LTBP2: variants seen among roughly 807,000 people sequenced by gnomAD.
LTBP2 encodes latent transforming growth factor beta binding protein 2.
Under a neutral mutation model 210.6 loss-of-function variants are expected in LTBP2, and 103 were observed. That is an observed-to-expected ratio of 0.49 (90% CI 0.42 to 0.58). LTBP2 has a LOEUF of 0.58. Among genes scored for constraint, LTBP2 ranks in the 20% least tolerant of loss-of-function variants. LTBP2 has a pLI of 0.00. For missense variants in LTBP2, 2,313 were observed against 2,494.5 expected (o/e 0.93, Z 1.55); for synonymous variants, 1,007 against 1,015.0 (o/e 0.99, Z 0.15).
In LTBP2 at chr14:74,532,457, G is replaced by C. The variant is rs1340849047; in HGVS notation, c.1956C>G (p.Leu652=). ...GSYLCTCRPG[L]MLDPSRSRCV... ...AGCGGCTCCGCGATGGATCCAGCAT[G>C]AGGCCAGGTCTGCATGTGCACAGGT... The change falls in exon 10 of 36, where the codon CTC becomes CTG. Residue 652 remains leucine, a synonymous_variant. Coordinates refer to ENST00000261978, the MANE Select transcript of LTBP2 (RefSeq NM_000428.3). The C allele has an allele frequency of 1.2e-6, 2 of 1,614,186 alleles. No homozygotes were observed. Among genetic ancestry groups the C allele is most frequent in the South Asian group, 2.2e-5 (2 of 91,088 alleles).
chr14:74,550,454 G>A, intron 7 of LTBP2, among the ~76,000 whole-genome samples: 1 of 152,170 alleles, frequency 6.6e-6, no homozygotes, highest in South Asian at 2.1e-4. Flanking sequence ...AGGGTTTCTG[G>A]AAATACCTTA....
intron 3 of LTBP2, among the ~76,000 whole-genome samples, chr14:74,569,778 A>T (rs772756232): frequency 2.0e-5 from 3 of 152,094 alleles, no homozygotes; most frequent in Non-Finnish European, 4.4e-5. Flanking sequence ...CCCTAACAAG[A>T]ACCTAAGACA....
At chr14:74,531,283 G>A (rs1463257862) in intron 10 of LTBP2, among the ~76,000 whole-genome samples, 2 of 152,052 alleles carry the variant, frequency 1.3e-5, no homozygotes, top group Non-Finnish European at 2.9e-5. Context: ...GGACAGAGAG[G>A]GAAAAAAGGA....
At position 74,611,890 on chromosome 14, in the gene LTBP2, T is replaced by G; in HGVS notation, c.55A>C (p.Arg19=). The part of the protein sequence containing the change: ...SPGRALRNPW[R]GFLPLTLALF... Reference sequence around the variant, plus strand: ...GCCAGGGTGAGCGGCAGGAAGCCTCTCCAGGGGTTCCGCAGGGCGCGCCCC... The same window carrying G: ...GCCAGGGTGAGCGGCAGGAAGCCTCGCCAGGGGTTCCGCAGGGCGCGCCCC... Residue 19 remains arginine, a synonymous_variant, in exon 1 of 36, where the codon AGA becomes CGA. Coordinates refer to ENST00000261978, the MANE Select transcript of LTBP2 (RefSeq NM_000428.3). The G allele has an allele frequency of 6.2e-7, 1 of 1,603,784 alleles. No homozygotes were observed. Among genetic ancestry groups the G allele is most frequent in the Non-Finnish European group, 8.5e-7 (1 of 1,177,488 alleles).
intron 18 of LTBP2, among the ~76,000 whole-genome samples, chr14:74,511,689 T>G (rs2087074155): frequency 6.6e-6 from 1 of 152,204 alleles, no homozygotes; most frequent in Non-Finnish European, 1.5e-5. Flanking sequence ...ATCTCTCCCC[T>G]GGCGAATTCC....
chr14:74,514,538 T>C (rs2087111204), intron 18 of LTBP2, among the ~76,000 whole-genome samples: 1 of 152,166 alleles, frequency 6.6e-6, no homozygotes, highest in East Asian at 1.9e-4. Flanking sequence ...CATTCACTTC[T>C]GGTGGTTGTG....
At chr14:74,506,240 C>T in intron 27 of LTBP2, 49 bp from the exon 28 acceptor site, 1 of 1,612,486 alleles carries the variant, frequency 6.2e-7, no homozygotes, top group East Asian at 2.2e-5. Flanking sequence ...GCAGCCCGTG[C>T]CCCCTGCCCC....
At chr14:74,561,816 T>C (rs1347956713) in intron 3 of LTBP2, among the ~76,000 whole-genome samples, 3 of 152,206 alleles carry the variant, frequency 2.0e-5, no homozygotes. Flanking sequence ...GGAGTTCAGA[T>C]AGAATACAGA....
intron 2 of LTBP2, among the ~76,000 whole-genome samples, chr14:74,588,343 TC>T (rs1213082189): frequency 6.6e-6 from 1 of 152,104 alleles, no homozygotes; most frequent in Non-Finnish European, 1.5e-5. Flanking sequence ...TGCCTCAGCC[TC>T]CCGAGTAGCT....
chr14:74,572,670 T>G (rs2087999882), intron 3 of LTBP2, among the ~76,000 whole-genome samples: 1 of 152,030 alleles, frequency 6.6e-6, no homozygotes, highest in African/African-American at 2.4e-5. Flanking sequence ...AAAAGGAGAA[T>G]TCACGGAGCC....
At chr14:74,576,288 CA>C (rs1431336061) in intron 3 of LTBP2, among the ~76,000 whole-genome samples, 1 of 152,160 alleles carries the variant, frequency 6.6e-6, no homozygotes, top group African/African-American at 2.4e-5. Flanking sequence ...TGCGTTAGGA[CA>C]GGGGTGTCCA....
chr14:74,505,952 C>A, intron 28 of LTBP2, 96 bp downstream of exon 28: 1 of 1,526,084 alleles, frequency 6.6e-7, no homozygotes, highest in Non-Finnish European at 9.0e-7. Context: ...GGCCCAGTGT[C>A]CCCCTCAGCG....
chr14:74,508,805 CA>C (rs758189928), intron 23 of LTBP2, 24 bp downstream of exon 23: 6 of 1,613,712 alleles, frequency 3.7e-6, no homozygotes, highest in Non-Finnish European at 5.1e-6. Flanking sequence ...CCCCCACCCC[CA>C]GTAGGGTGAC....
intron 8 of LTBP2, among the ~76,000 whole-genome samples, chr14:74,537,996 C>G (rs2087444843): frequency 6.6e-6 from 1 of 152,218 alleles, no homozygotes; most frequent in Non-Finnish European, 1.5e-5. Context: ...CTCAGGTGAT[C>G]CGCCTGCTTT....
chr14:74,508,183 C>A, intron 24 of LTBP2, 88 bp from the exon 25 acceptor site: 1 of 1,523,858 alleles, frequency 6.6e-7, no homozygotes. Flanking sequence ...CCTGAGTAGC[C>A]CATAGGAGAG....
intron 17 of LTBP2, among the ~76,000 whole-genome samples, chr14:74,519,445 T>C (rs2087174715): frequency 1.3e-5 from 2 of 151,930 alleles, no homozygotes; most frequent in South Asian, 4.1e-4. Context: ...TTACATTTAT[T>C]GGTAAACATT....
intron 17 of LTBP2, among the ~76,000 whole-genome samples, chr14:74,521,034 C>T (rs753045430): frequency 6.6e-6 from 1 of 152,188 alleles, no homozygotes; most frequent in Non-Finnish European, 1.5e-5. Flanking sequence ...CCCGCTCCTC[C>T]GTTAAGTTAG....
rs371524330 is a variant in LTBP2, at chr14:74,609,056, A to G, written c.494+2395T>C. On this transcript the variant is annotated intron_variant, in intron 1 of 35. Coordinates refer to ENST00000261978, the MANE Select transcript of LTBP2 (RefSeq NM_000428.3). The stretch of plus-strand genomic sequence containing the variant: ...TAGCAGTGGTGCAGTTCCAAGATTC[A>G]CCAGGAGGTGGCACTTGGTCCCTGG... Among the ~76,000 whole-genome samples the G allele has an allele frequency of 2.4e-4, 37 of 152,346 alleles. No individual in the cohort carries two copies. The East Asian group carries it at 7.1e-3, about 29-fold the overall frequency.
intron 3 of LTBP2, among the ~76,000 whole-genome samples, chr14:74,572,330 A>T (rs1363068712): frequency 6.8e-6 from 1 of 147,248 alleles, no homozygotes; most frequent in African/African-American, 2.5e-5. Context: ...TGTGAGAGAG[A>T]GAGAGAGAGA....
Sources: allele counts gnomAD v4.1 joint callset (sites outside exome capture counted in the v4.1 genomes callset), GRCh38; gene constraint gnomAD v4.1.1; transcripts MANE v1.5; gene names NCBI Gene and HGNC (gene_info 2026-07-23, HGNC 2026-07-21).